PRPF19: variants seen among roughly 807,000 people sequenced by gnomAD.
The protein encoded by PRPF19 is pre-mRNA processing factor 19, also known as pre-mRNA-processing factor 19.
A neutral mutation model predicts 64.2 loss-of-function variants in PRPF19; 2 were observed. The observed-to-expected ratio is 0.03, with a 90% CI of 0.01 to 0.10. PRPF19 has a LOEUF of 0.10. Among genes scored for constraint, PRPF19 ranks in the 10% least tolerant of loss-of-function variants. The pLI, the probability that PRPF19 is intolerant of heterozygous loss-of-function variation, is 1.00. For synonymous variants in PRPF19, 226 were observed against 251.6 expected, an observed-to-expected ratio of 0.90 and a Z score of 0.96; for missense variants, 314 against 650.0, an observed-to-expected ratio of 0.48 and a Z score of 5.62.
At chr11:60,895,169 G>A (rs1855905563) in intron 15 of PRPF19, among the ~76,000 whole-genome samples, 1 of 152,194 alleles carries the variant, frequency 6.6e-6, no homozygotes, top group South Asian at 2.1e-4. Context: ...CTTCTCTCTA[G>A]CTGTGCAAGT....
chr11:60,902,013 T>A lies in PRPF19; in HGVS notation c.525+390A>T, dbSNP rs1314105867. On this transcript the variant is annotated intron_variant, in intron 6 of 15. Coordinates refer to ENST00000227524, the MANE Select transcript of PRPF19 (RefSeq NM_014502.5). The surrounding 1 kb of genome is among the most constrained non-coding windows in gnomAD (Gnocchi z 5.0). ...TGCAAAATAAGGATTATAATTCCTA[T>A]CCTATTGCCCTCATAGAAAAAAAAC... Among the ~76,000 whole-genome samples, 9 of 152,188 alleles carry A rather than the reference T, an allele frequency of 5.9e-5. No individual in the cohort carries two copies. Among genetic ancestry groups the A allele is most frequent in the African/African-American group, 1.9e-4 (8 of 41,440 alleles).
intron 15 of PRPF19, among the ~76,000 whole-genome samples, chr11:60,892,597 T>C (rs1182316574): frequency 6.6e-6 from 1 of 152,202 alleles, no homozygotes; most frequent in Non-Finnish European, 1.5e-5. Flanking sequence ...ATAGTTACCA[T>C]TCCCACTTTT....
In PRPF19 at chr11:60,898,402, C is replaced by T. The variant is rs1282467524; in HGVS notation, c.1141-131G>A. 6.6e-7 allele frequency: 1 copy of T among 1,525,374 alleles called. No individual in the cohort carries two copies. Among genetic ancestry groups the T allele is most frequent in the Admixed American group, 2.0e-5 (1 of 50,950 alleles). The allele number at this position is 1,525,374 out of a possible 1,614,324, so 94.5% of individuals were successfully genotyped here. On this transcript the variant is annotated intron_variant, in intron 13 of 15. Transcript: ENST00000227524. This position sits in a 1 kb window ranked among gnomAD's most constrained non-coding sequence, Gnocchi z 4.6. ...AGGACAGCCAGCGGGACCCCCCAGA[C>T]CACACCATCATATCACACACGCACA...
chr11:60,899,456 T>G, intron 10 of PRPF19, 152 bp from the exon 11 acceptor site: 1 of 815,072 alleles, frequency 1.2e-6, no homozygotes, highest in East Asian at 2.7e-5. Context: ...CACCCAATGG[T>G]GCCCAAGACA....
chr11:60,905,545 G>C (rs1420113436), intron 1 of PRPF19: 1 of 152,226 alleles, frequency 6.6e-6, no homozygotes, highest in Non-Finnish European at 1.5e-5. Context: ...TGTACGTCAT[G>C]ATAAAATATC....
Position 60,898,329 on chromosome 11 carries a change from G to A in PRPF19, c.1141-58C>T. ...CCACAGATCATGAGAGGAAGAAAAT[G>A]GGGCTCACCAAACTCCTACCTGAGA... On this transcript the variant is annotated intron_variant, in intron 13 of 15. Coordinates refer to ENST00000227524, the MANE Select transcript of PRPF19 (RefSeq NM_014502.5). The surrounding 1 kb of genome is among the most constrained non-coding windows in gnomAD (Gnocchi z 4.6). 6.3e-7 allele frequency: 1 copy of A among 1,583,590 alleles called. No homozygotes were observed. The highest frequency in any genetic ancestry group is 8.6e-7 in the Non-Finnish European group (1 of 1,164,352).
intron 10 of PRPF19, 101 bp from the exon 11 acceptor site, chr11:60,899,405 T>G: frequency 7.7e-7 from 1 of 1,291,912 alleles, no homozygotes. Context: ...TGCCAACAAT[T>G]GCTTCTCCTT....
At chr11:60,901,202 A>G in intron 8 of PRPF19, 93 bp downstream of exon 8, 1 of 1,351,102 alleles carries the variant, frequency 7.4e-7, no homozygotes, top group Non-Finnish European at 1.0e-6. Context: ...AACCTGGGAC[A>G]GCTCTGCACT....
intron 10 of PRPF19, among the ~76,000 whole-genome samples, chr11:60,899,935 AAC>A (rs1190210109): frequency 6.6e-6 from 1 of 152,234 alleles, no homozygotes; most frequent in African/African-American, 2.4e-5. Flanking sequence ...TAAGCAAGAA[AAC>A]AGTGCTCTCA....
At chr11:60,906,315 C>T in intron 1 of PRPF19, 49 bp downstream of exon 1, 1 of 1,574,226 alleles carries the variant, frequency 6.4e-7, no homozygotes, top group Non-Finnish European at 8.6e-7. Context: ...CGCTCCCGCG[C>T]CGCTCTCTGG....
rs1590608011 is a variant in PRPF19 at position 60,901,640 on chromosome 11, C to T, written c.526-100G>A. On this transcript the variant is annotated intron_variant, in intron 6 of 15. Transcript: ENST00000227524. ...GTGCTTTCAAAAGCAGCACCAAGAACTTGCTATCTGCCAACTTCTACGTTA... is the reference window on the plus strand; with the variant it reads ...GTGCTTTCAAAAGCAGCACCAAGAATTTGCTATCTGCCAACTTCTACGTTA... The T allele has an allele frequency of 2.2e-6, 3 of 1,383,654 alleles. No individual in the cohort carries two copies. The East Asian group carries it at 6.9e-5, about 32-fold the overall frequency. 85.7% of individuals were successfully genotyped at this position (1,383,654 alleles called of 1,614,324 possible). A position where few individuals can be genotyped will look rare whatever the true frequency, so the allele number is the denominator to read the frequency against.
At chr11:60,904,847 G>A (rs1290638320) in intron 1 of PRPF19, among the ~76,000 whole-genome samples, 2 of 152,092 alleles carry the variant, frequency 1.3e-5, no homozygotes, top group Non-Finnish European at 1.5e-5. Context: ...CACTAGTGAC[G>A]ACTTCAGTTC....
Position 60,898,991 on chromosome 11 carries a change from C to T in PRPF19, c.985-60G>A. The T allele has an allele frequency of 6.6e-7, 1 of 1,521,972 alleles. No homozygotes were observed. The highest frequency in any genetic ancestry group is 8.9e-7 in the Non-Finnish European group (1 of 1,120,252). The allele number at this position is 1,521,972 out of a possible 1,614,324, so 94.3% of individuals were successfully genotyped here. A position where few individuals can be genotyped will look rare whatever the true frequency, so the allele number is the denominator to read the frequency against. On this transcript the variant is annotated intron_variant, in intron 11 of 15. Coordinates refer to ENST00000227524, the MANE Select transcript of PRPF19 (RefSeq NM_014502.5). This position sits in a 1 kb window ranked among gnomAD's most constrained non-coding sequence, Gnocchi z 4.6. The stretch of plus-strand genomic sequence containing the variant: ...GAAAGTGGGTCCCAGGTTCTGGTGG[C>T]CCTTCAGCAAGACAGAGCCCCTGGT...
intron 15 of PRPF19, among the ~76,000 whole-genome samples, chr11:60,893,783 C>T (rs757975086): frequency 6.6e-6 from 1 of 152,038 alleles, no homozygotes; most frequent in African/African-American, 2.4e-5. Flanking sequence ...GGGGAAACCC[C>T]GTCTCTACTA....
In PRPF19 at chr11:60,902,303, A is replaced by T; in HGVS notation, c.525+100T>A. 1 of 1,353,510 alleles carries T rather than the reference A, an allele frequency of 7.4e-7. No individual in the cohort carries two copies. The highest frequency in any genetic ancestry group is 1.0e-6 in the Non-Finnish European group (1 of 958,694). 83.8% of individuals were successfully genotyped at this position (1,353,510 alleles called of 1,614,324 possible). A position where few individuals can be genotyped will look rare whatever the true frequency, so the allele number is the denominator to read the frequency against. ...CCAGGGTCCATGCTCTGCACCACTC[A>T]ACTCCCAAAAGCACAGTGATTTTAG... On this transcript the variant is annotated intron_variant, in intron 6 of 15. Transcript: ENST00000227524. The surrounding 1 kb of genome is among the most constrained non-coding windows in gnomAD (Gnocchi z 5.0).
rs555441530 is a variant in PRPF19, at chr11:60,890,585, T to TAA, written c.*579_*580dup. 9.6e-3 allele frequency: 2,493 copies of TAA among 258,848 alleles called. 1 individual carries two copies. The highest frequency in any genetic ancestry group is 0.015 in the South Asian group (424 of 29,010). The allele number at this position is 258,848 out of a possible 1,614,324, so 16.0% of individuals were successfully genotyped here. A position where few individuals can be genotyped will look rare whatever the true frequency, so the allele number is the denominator to read the frequency against. On this transcript the variant is annotated 3_prime_UTR_variant, in exon 16 of 16. Coordinates refer to ENST00000227524, the MANE Select transcript of PRPF19 (RefSeq NM_014502.5). ...TTTGTTTTTATTTCTGCTGTGCAAT[T>TAA]AAAAAAAAAAAAAAAGGGTAAGAGC... is the stretch of plus-strand genomic sequence containing the variant.
At chr11:60,900,404 G>A (rs2134862944) in intron 10 of PRPF19, among the ~76,000 whole-genome samples, 178 bp downstream of exon 10, 1 of 152,330 alleles carries the variant, frequency 6.6e-6, no homozygotes, top group East Asian at 1.9e-4. Flanking sequence ...TGCTTTAGAA[G>A]GTCTCACGCA....
Position 60,899,251 on chromosome 11 carries a change from G to A in PRPF19, c.882C>T (p.Pro294=). The change falls in exon 11 of 16, where the codon CCC becomes CCT. Residue 294 remains proline, a synonymous_variant. Coordinates refer to ENST00000227524, the MANE Select transcript of PRPF19 (RefSeq NM_014502.5). ...GAACCACCTGTACACAAGAGGCATT[G>A]GGGACCGACCAAATCCTGATAGTGG... ...PDATIRIWSV[P]NASCVQVVRA... 2 of 1,613,732 alleles carry A rather than the reference G, an allele frequency of 1.2e-6. No homozygotes were observed. Among genetic ancestry groups the A allele is most frequent in the Non-Finnish European group, 1.7e-6 (2 of 1,179,612 alleles).
At position 60,899,230 on chromosome 11, in the gene PRPF19, C is replaced by T. The variant is rs776160371; in HGVS notation, c.903G>A (p.Val301=). Residue 301 remains valine (V), a synonymous_variant, in exon 11 of 16, where the codon GTG becomes GTA. Coordinates refer to ENST00000227524, the MANE Select transcript of PRPF19 (RefSeq NM_014502.5). ...WSVPNASCVQ[V]VRAHESAVTG... ...TCACAGCACTCTCATGGGCCCGAAC[C>T]ACCTGTACACAAGAGGCATTGGGGA... 7 of 1,614,074 alleles carry T rather than the reference C, an allele frequency of 4.3e-6. No homozygotes were observed. Among genetic ancestry groups the T allele is most frequent in the East Asian group, 4.5e-5 (2 of 44,890 alleles).
Sources: allele counts gnomAD v4.1 joint callset (sites outside exome capture counted in the v4.1 genomes callset), GRCh38; gene constraint gnomAD v4.1.1; non-coding constraint Gnocchi (gnomAD v3.1); transcripts MANE v1.5; gene names NCBI Gene and HGNC (gene_info 2026-07-23, HGNC 2026-07-21).